Variants in KANSL2 observed in about 807,000 individuals in gnomAD.
KANSL2 encodes the protein KAT8 regulatory NSL complex subunit 2.
A neutral mutation model predicts 55.6 loss-of-function variants in KANSL2; 34 were observed. The observed-to-expected ratio is 0.61, with a 90% CI of 0.46 to 0.81. The LOEUF (loss-of-function observed/expected upper bound fraction) is 0.81, where lower values mean the gene tolerates loss of function less well. Ranked by LOEUF, KANSL2 falls within the 40% of genes least tolerant of loss-of-function variation. The pLI, the probability that KANSL2 is intolerant of heterozygous loss-of-function variation, is 0.00. For missense variants in KANSL2, 502 were observed against 609.9 expected, an observed-to-expected ratio of 0.82 and a Z score of 1.86; for synonymous variants, 209 against 214.3, an observed-to-expected ratio of 0.98 and a Z score of 0.22.
chr12:48,679,270 AAC>A (rs1939878278), intron 3 of KANSL2, 120 bp from the exon 4 acceptor site: 2 of 758,518 alleles, frequency 2.6e-6, no homozygotes, highest in South Asian at 1.5e-5. Context: ...CAAAAAAAAA[AAC>A]ACTTAGTACA....
chr12:48,662,547 A>G, intron 7 of KANSL2: 1 of 1,262,968 alleles, frequency 7.9e-7, no homozygotes, highest in African/African-American at 1.6e-5. Flanking sequence ...AAAGAAGGGA[A>G]TGGTTAACCT....
intron 2 of KANSL2, among the ~76,000 whole-genome samples, chr12:48,680,731 C>G (rs1339315605): frequency 2.0e-5 from 3 of 152,134 alleles, no homozygotes; most frequent in Non-Finnish European, 4.4e-5. Context: ...AATCCCAACA[C>G]TCTGGGAGGC....
At chr12:48,681,894 G>A (rs1417407888) in intron 1 of KANSL2, 4 of 703,790 alleles carry the variant, frequency 5.7e-6, no homozygotes, top group South Asian at 1.5e-5. Flanking sequence ...CACAGCTGCA[G>A]CACGAAGGGA....
chr12:48,656,143 C>A (rs1002081898), intron 8 of KANSL2, among the ~76,000 whole-genome samples: 1 of 152,050 alleles, frequency 6.6e-6, no homozygotes, highest in Non-Finnish European at 1.5e-5. Context: ...CAAACAAGCT[C>A]CAACAAGGGA....
chr12:48,671,928 G>C lies in KANSL2; in HGVS notation c.580C>G (p.Leu194Val). Residue 194 changes from leucine to valine, a missense_variant, in exon 5 of 10, where the codon CTG (leucine) becomes GTG (valine). Leu to Val is a conservative substitution (Grantham distance 32). Transcript: ENST00000420613. ...AGVYTAEEVA[L>V]IMREKLIRLQ... ...CGAATTAGCTTTTCACGCATAATCA[G>C]GGCCACTTCTTCTGCTGTGTAGACA... 6.2e-7 allele frequency: 1 copy of C among 1,608,674 alleles called. No individual in the cohort carries two copies.
At chr12:48,681,702 C>A (rs889416775) in intron 1 of KANSL2, 61 bp from the exon 2 acceptor site, 5 of 1,607,000 alleles carry the variant, frequency 3.1e-6, no homozygotes, top group African/African-American at 2.7e-5. Flanking sequence ...CTGCTCCACA[C>A]AGATCGCGCG....
chr12:48,655,158 C>T lies in KANSL2; in HGVS notation c.1228-98G>A, dbSNP rs1163972692. 5.0e-6 allele frequency: 6 copies of T among 1,195,476 alleles called. No homozygotes were observed. In the Admixed American group the frequency reaches 1.3e-4, roughly 26 times the overall value. The allele number at this position is 1,195,476 out of a possible 1,614,324, so 74.1% of individuals were successfully genotyped here. On this transcript the variant is annotated intron_variant, in intron 8 of 9. Transcript: ENST00000420613. ...CTTTAAAGCAATACTCTGCTGTCTC[C>T]CTCAACCCTAGCCTACCTTTAATAA...
chr12:48,662,770 G>T, intron 7 of KANSL2: 2 of 569,870 alleles, frequency 3.5e-6, no homozygotes, highest in Non-Finnish European at 4.9e-6. Flanking sequence ...TTTCAATTTT[G>T]CTTTATATTT....
chr12:48,671,971 A>C lies in KANSL2; in HGVS notation c.546-9T>G. Reference sequence around the variant, plus strand: ...TGTAGACACCAGCATGTCTGGAATAAAACAGAATTCAGCAAAGCATAAGAA... The same window carrying C: ...TGTAGACACCAGCATGTCTGGAATACAACAGAATTCAGCAAAGCATAAGAA... On this transcript the variant is annotated splice_polypyrimidine_tract_variant and intron_variant, in intron 4 of 9. Coordinates refer to ENST00000420613, the MANE Select transcript of KANSL2 (RefSeq NM_017822.4). The C allele has an allele frequency of 6.4e-7, 1 of 1,553,900 alleles. No homozygotes were observed. The highest frequency in any genetic ancestry group is 8.7e-7 in the Non-Finnish European group (1 of 1,147,290).
intron 4 of KANSL2, among the ~76,000 whole-genome samples, chr12:48,675,490 C>CT (rs1408274339): frequency 1.3e-5 from 2 of 152,130 alleles, no homozygotes; most frequent in Non-Finnish European, 2.9e-5. Flanking sequence ...TGTCTGTAAC[C>CT]TAAAATACTG....
chr12:48,679,526 C>A, intron 3 of KANSL2, 129 bp downstream of exon 3: 1 of 741,522 alleles, frequency 1.3e-6, no homozygotes, highest in Non-Finnish European at 2.2e-6. Context: ...ACAAAGCAAT[C>A]CCAGCATTCT....
intron 8 of KANSL2, among the ~76,000 whole-genome samples, chr12:48,657,212 C>A (rs1939402032): frequency 6.6e-6 from 1 of 152,086 alleles, no homozygotes; most frequent in African/African-American, 2.4e-5. Flanking sequence ...GAAACCCAGT[C>A]TCCACAAAAA....
chr12:48,678,082 A>G (rs930579599), intron 4 of KANSL2, among the ~76,000 whole-genome samples: 1 of 152,228 alleles, frequency 6.6e-6, no homozygotes, highest in Non-Finnish European at 1.5e-5. Context: ...GACTTCTTAT[A>G]AACCAAAGAA....
intron 7 of KANSL2, chr12:48,661,233 C>A: frequency 1.0e-6 from 1 of 971,702 alleles, no homozygotes; most frequent in South Asian, 4.8e-5. Flanking sequence ...CAGAGGAATC[C>A]TTTTATGATC....
intron 4 of KANSL2, among the ~76,000 whole-genome samples, chr12:48,675,047 T>G (rs1380248460): frequency 6.7e-6 from 1 of 149,290 alleles, no homozygotes; most frequent in African/African-American, 2.5e-5. Context: ...ACCAGCAAAT[T>G]ACAGAAATGA....
Position 48,671,954 on chromosome 12 carries a change from C to A in KANSL2, c.554G>T (p.Gly185Val). The A allele has an allele frequency of 1.3e-6, 2 of 1,572,286 alleles. No homozygotes were observed. Among genetic ancestry groups the A allele is most frequent in the Non-Finnish European group, 1.7e-6 (2 of 1,157,402 alleles). ...GGCCACTTCTTCTGCTGTGTAGACA[C>A]CAGCATGTCTGGAATAAAACAGAAT... The part of the protein sequence containing the change: ...SDQEDPLKHA[G>V]VYTAEEVALI... Residue 185 changes from glycine to valine, a missense_variant, in exon 5 of 10, where the codon GGT becomes GTT. Transcript: ENST00000420613.
At chr12:48,656,955 GAGA>G (rs527699167) in intron 8 of KANSL2, among the ~76,000 whole-genome samples, 4 of 152,150 alleles carry the variant, frequency 2.6e-5, no homozygotes, top group Non-Finnish European at 5.9e-5. Context: ...CTAGCTTCAC[GAGA>G]AGCTTAGTTC....
At chr12:48,672,098 T>C (rs1053269527) in intron 4 of KANSL2, 136 bp from the exon 5 acceptor site, 21 of 597,652 alleles carry the variant, frequency 3.5e-5, no homozygotes, top group Non-Finnish European at 5.3e-5. Context: ...TTGCAAAACA[T>C]TGTACCATTC....
intron 8 of KANSL2, 100 bp downstream of exon 8, chr12:48,660,266 T>C (rs752505803): frequency 4.0e-6 from 5 of 1,255,808 alleles, no homozygotes; most frequent in Middle Eastern, 2.0e-4. Context: ...TTCAAAAACT[T>C]TGTCGATTCT....
Sources: gnomAD v4.1 joint callset for allele counts (sites outside exome capture counted in the v4.1 genomes callset) on GRCh38, gnomAD v4.1.1 for gene constraint, MANE v1.5 for transcripts, NCBI Gene and HGNC (gene_info 2026-07-23, HGNC 2026-07-21) for gene names.